TTC29: variants seen among roughly 807,000 people sequenced by gnomAD.
TTC29 encodes tetratricopeptide repeat domain 29, also known as tetratricopeptide repeat protein 29.
Under a neutral mutation model 58.1 loss-of-function variants are expected in TTC29, and 49 were observed. The ratio of observed to expected loss-of-function variants is 0.84; its 90% confidence interval spans 0.67 to 1.07. The LOEUF (loss-of-function observed/expected upper bound fraction) is 1.07, where lower values mean the gene tolerates loss of function less well. TTC29 is among the 50% of genes least tolerant of loss of function. TTC29 has a pLI of 0.00. For synonymous variants in TTC29, 209 were observed against 196.8 expected, an observed-to-expected ratio of 1.06 and a Z score of -0.52; for missense variants, 582 against 555.6, an observed-to-expected ratio of 1.05 and a Z score of -0.48.
At chr4:146,774,803 A>G (rs1247425223) in intron 11 of TTC29, among the ~76,000 whole-genome samples, 2 of 152,058 alleles carry the variant, frequency 1.3e-5, no homozygotes, top group African/African-American at 4.8e-5. Flanking sequence ...CTCAATCTGT[A>G]TCTCAGATCT....
intron 8 of TTC29, among the ~76,000 whole-genome samples, chr4:146,855,378 G>C (rs937094524): frequency 6.6e-6 from 1 of 151,702 alleles, no homozygotes; most frequent in African/African-American, 2.4e-5. Flanking sequence ...GGTTGCAGTG[G>C]GCAGAGATTT....
At chr4:146,814,026 C>A (rs767195512) in intron 10 of TTC29, among the ~76,000 whole-genome samples, 4 of 152,102 alleles carry the variant, frequency 2.6e-5, no homozygotes, top group African/African-American at 4.8e-5. Flanking sequence ...GAAGTCTGAA[C>A]TTTCACAAGT....
chr4:146,871,553 T>G (rs1730931746), intron 7 of TTC29, among the ~76,000 whole-genome samples: 1 of 151,912 alleles, frequency 6.6e-6, no homozygotes, highest in African/African-American at 2.4e-5. Context: ...ATAAATGAGT[T>G]TAACAAGGTT....
rs1296184843 is a variant in TTC29, at chr4:146,912,645, TA to T, written c.177-3397del. Among the ~76,000 whole-genome samples the T allele has an allele frequency of 3.3e-5, 5 of 151,924 alleles. No homozygotes were observed. In the East Asian group the frequency reaches 9.7e-4, roughly 29 times the overall value. On this transcript the variant is annotated intron_variant, in intron 4 of 12. Coordinates refer to ENST00000325106, the MANE Select transcript of TTC29 (RefSeq NM_031956.4). ...AGGGCCAGGAATTAAAATTAAGTTA[TA>T]AAAAAATAAAGACTTTCAATTTAGC...
chr4:146,910,082 T>C (rs1002594359), intron 4 of TTC29, among the ~76,000 whole-genome samples: 2 of 151,994 alleles, frequency 1.3e-5, no homozygotes, highest in African/African-American at 4.8e-5. Flanking sequence ...CCAAAAGATA[T>C]AGCTTTATAC....
At chr4:146,820,038 G>A in intron 10 of TTC29, 87 bp downstream of exon 10, 1 of 1,535,162 alleles carries the variant, frequency 6.5e-7, no homozygotes, top group Non-Finnish European at 8.9e-7. Flanking sequence ...GGGAAGACAA[G>A]GATGACATGA....
intron 4 of TTC29, among the ~76,000 whole-genome samples, chr4:146,917,323 A>C (rs1247241477): frequency 6.7e-6 from 1 of 149,168 alleles, no homozygotes; most frequent in African/African-American, 2.4e-5. Flanking sequence ...AATCATTTCA[A>C]TGTATTATAA....
In TTC29 at chr4:146,873,197, C is replaced by A. The variant is rs1304319305; in HGVS notation, c.799+1519G>T. On this transcript the variant is annotated intron_variant, in intron 7 of 12. Coordinates refer to ENST00000325106, the MANE Select transcript of TTC29 (RefSeq NM_031956.4). ...GAGGGGCATGCTTTATTCAGGTAAT[C>A]ATCAGCTTGCTCCTTCAGGCTCCCT... is the stretch of plus-strand genomic sequence containing the variant. 2.0e-5 allele frequency among the ~76,000 whole-genome samples: 3 copies of A among 152,108 alleles called. No individual in the cohort carries two copies. The East Asian group carries it at 5.8e-4, about 29-fold the overall frequency.
intron 4 of TTC29, among the ~76,000 whole-genome samples, chr4:146,926,189 C>T (rs1011164960): frequency 6.6e-6 from 1 of 152,104 alleles, no homozygotes; most frequent in African/African-American, 2.4e-5. Context: ...GCACATTTTT[C>T]TTATATAAGA....
At chr4:146,729,739 G>A (rs554772619) in intron 11 of TTC29, among the ~76,000 whole-genome samples, 19 of 152,070 alleles carry the variant, frequency 1.2e-4, no homozygotes, top group Non-Finnish European at 2.4e-4. Context: ...AGTAGAAGCA[G>A]GCATGTCTTA....
intron 3 of TTC29, among the ~76,000 whole-genome samples, chr4:146,937,882 C>T (rs781172988): frequency 6.6e-6 from 1 of 152,084 alleles, no homozygotes; most frequent in South Asian, 2.1e-4. Context: ...GAATATTAAA[C>T]CCAGTGTGTA....
intron 5 of TTC29, among the ~76,000 whole-genome samples, chr4:146,905,979 T>C (rs1733496737): frequency 6.6e-6 from 1 of 152,158 alleles, no homozygotes; most frequent in Non-Finnish European, 1.5e-5. Context: ...CAAACATTAT[T>C]AGAAAAAAAT....
At chr4:146,775,164 A>C (rs1449364931) in intron 11 of TTC29, among the ~76,000 whole-genome samples, 1 of 152,074 alleles carries the variant, frequency 6.6e-6, no homozygotes, top group Non-Finnish European at 1.5e-5. Context: ...TGGATCTCTT[A>C]AAGACAACCT....
At chr4:146,803,711 C>G in intron 10 of TTC29, 26 bp from the exon 11 acceptor site, 1 of 1,500,980 alleles carries the variant, frequency 6.7e-7, no homozygotes, top group Non-Finnish European at 9.0e-7. Flanking sequence ...AAATAATTTT[C>G]TTTCTTACTT....
chr4:146,755,431 A>T (rs565738664), intron 11 of TTC29, among the ~76,000 whole-genome samples: 3 of 152,216 alleles, frequency 2.0e-5, no homozygotes, highest in African/African-American at 7.2e-5. Context: ...CTGAGAAAGA[A>T]AAACAAAATT....
At position 146,807,703 on chromosome 4, in the gene TTC29, C is replaced by T. The variant is rs184216745; in HGVS notation, c.1102-4018G>A. Among the ~76,000 whole-genome samples, 7 of 152,156 alleles carry T rather than the reference C, an allele frequency of 4.6e-5. No homozygotes were observed. The East Asian group carries it at 1.3e-3, about 29-fold the overall frequency. On this transcript the variant is annotated intron_variant, in intron 10 of 12. Transcript: ENST00000325106. ...GACTATACCAGGAAGAAGTCAAATC[C>T]CTGAATAGACCAATAACAAGTTCTG...
chr4:146,903,392 C>T (rs913259530), intron 6 of TTC29, among the ~76,000 whole-genome samples, 152 bp downstream of exon 6: 4 of 152,070 alleles, frequency 2.6e-5, no homozygotes, highest in Admixed American at 2.6e-4. Flanking sequence ...GCTGGGTCCA[C>T]AAGTCACATG....
intron 8 of TTC29, among the ~76,000 whole-genome samples, chr4:146,847,546 G>T (rs184271006): frequency 6.6e-6 from 1 of 152,142 alleles, no homozygotes; most frequent in Admixed American, 6.5e-5. Flanking sequence ...GGCAGGAGCC[G>T]GCACTGAGGC....
intron 11 of TTC29, among the ~76,000 whole-genome samples, chr4:146,750,744 T>G (rs916706275): frequency 1.3e-5 from 2 of 151,920 alleles, no homozygotes; most frequent in Non-Finnish European, 2.9e-5. Flanking sequence ...ATAAAGGAAC[T>G]TAAGCTTAGC....
Sources: allele counts gnomAD v4.1 joint callset (sites outside exome capture counted in the v4.1 genomes callset), GRCh38; gene constraint gnomAD v4.1.1; transcripts MANE v1.5; gene names NCBI Gene and HGNC (gene_info 2026-07-23, HGNC 2026-07-21).